CMC2: variants seen among roughly 807,000 people sequenced by gnomAD.
CMC2 encodes C-X9-C motif containing 2.
Under a neutral mutation model 7.5 loss-of-function variants are expected in CMC2, and 5 were observed. The ratio of observed to expected loss-of-function variants is 0.66; its 90% CI spans 0.35 to 1.40. The LOEUF (loss-of-function observed/expected upper bound fraction) is 1.40, where lower values mean the gene tolerates loss of function less well. Among genes scored for constraint, CMC2 ranks in the 40% most tolerant of loss-of-function variants. CMC2 has a pLI of 0.04. For synonymous variants in CMC2, 37 were observed against 31.4 expected (o/e 1.18, Z -0.60); for missense variants, 115 against 92.3 (o/e 1.25, Z -1.01).
intron 2 of CMC2, among the ~76,000 whole-genome samples, chr16:80,994,330 T>C (rs897214145): frequency 6.8e-5 from 10 of 147,366 alleles, no homozygotes; most frequent in Admixed American, 4.7e-4. Flanking sequence ...GACCACAGAA[T>C]ACACAAAGAT....
Position 80,973,420 on chromosome 16 carries a change from G to A in CMC2, c.*2673C>T, listed in dbSNP as rs944333338. 3 of 152,142 alleles carry A rather than the reference G, an allele frequency of 2.0e-5. No individual in the cohort carries two copies. Among genetic ancestry groups the A allele is most frequent in the Admixed American group, 6.5e-5 (1 of 15,276 alleles). The allele number at this position is 152,142 out of a possible 1,614,324, so 9.4% of individuals were successfully genotyped here. ...ACAATATTGAGGGGGCCCTTACTTT[G>A]TGCCAGATAATCTATCACATACATC... On this transcript the variant is annotated 3_prime_UTR_variant, in exon 4 of 4. Coordinates refer to ENST00000219400, the MANE Select transcript of CMC2 (RefSeq NM_020188.5).
chr16:80,993,070 C>A (rs1051420003), intron 2 of CMC2, among the ~76,000 whole-genome samples: 2 of 152,192 alleles, frequency 1.3e-5, no homozygotes, highest in African/African-American at 4.8e-5. Context: ...ATTTAGATGT[C>A]TGCCCCATTA....
intron 1 of CMC2, chr16:81,006,453 A>T (rs1212713300): frequency 1.3e-5 from 2 of 153,374 alleles, no homozygotes; most frequent in Non-Finnish European, 2.9e-5. Flanking sequence ...GAGCGCGCCC[A>T]AGGTCACCAG....
intron 1 of CMC2, among the ~76,000 whole-genome samples, chr16:81,005,137 T>C (rs1969165080): frequency 6.6e-6 from 1 of 152,220 alleles, no homozygotes; most frequent in South Asian, 2.1e-4. Flanking sequence ...TTCTAAAATA[T>C]ATCTTTTTAG....
At position 80,997,391 on chromosome 16, in the gene CMC2, G is replaced by A. The variant is rs757355621; in HGVS notation, c.4C>T (p.His2Tyr). The stretch of plus-strand genomic sequence containing the variant: ...TGCAAGTGTGGAGATAAGTCAGGAT[G>A]CATCTTTAGGAGATGAGGATGGATC... M[H>Y]PDLSPHLHTE... is the part of the protein sequence containing the mutation. Residue 2 changes from histidine to tyrosine, a missense_variant, in exon 2 of 4, where the codon CAT (histidine) becomes TAT (tyrosine). Physicochemically the swap from His to Tyr is moderately conservative, Grantham distance 83. Transcript: ENST00000219400. 3 of 1,588,592 alleles carry A rather than the reference G, an allele frequency of 1.9e-6. No individual in the cohort carries two copies. Among genetic ancestry groups the A allele is most frequent in the Non-Finnish European group, 2.6e-6 (3 of 1,162,512 alleles).
At chr16:80,981,079 C>CA (rs35505789) in intron 3 of CMC2, among the ~76,000 whole-genome samples, 12,182 of 117,854 alleles carry the variant, frequency 0.1, 595 homozygotes, top group East Asian at 0.18. Flanking sequence ...CAATATGAGG[C>CA]AAAAAAAAAA....
rs1057092540 is a variant in CMC2 at position 80,968,329 on chromosome 16, C to A, written c.*7764G>T. 6.6e-6 allele frequency: 1 copy of A among 152,238 alleles called. No individual in the cohort carries two copies. The highest frequency in any genetic ancestry group is 2.4e-5 in the African/African-American group (1 of 41,442). The allele number at this position is 152,238 out of a possible 1,614,324, so 9.4% of individuals were successfully genotyped here. A position where few individuals can be genotyped will look rare whatever the true frequency, so the allele number is the denominator to read the frequency against. On this transcript the variant is annotated 3_prime_UTR_variant, in exon 4 of 4. Coordinates refer to ENST00000219400, the MANE Select transcript of CMC2 (RefSeq NM_020188.5). ...CAAGCAATTCTCCCACCTCGGCCTT[C>A]GAAAGTACTGGGATTACAGGCGCAA... is the stretch of plus-strand genomic sequence containing the variant.
intron 3 of CMC2, among the ~76,000 whole-genome samples, chr16:80,981,429 T>C (rs1967101615): frequency 6.6e-6 from 1 of 152,200 alleles, no homozygotes. Context: ...AATTCTAGCC[T>C]CCTCAATTTA....
At chr16:80,995,509 T>C (rs935460715) in intron 2 of CMC2, among the ~76,000 whole-genome samples, 1 of 151,476 alleles carries the variant, frequency 6.6e-6, no homozygotes, top group Non-Finnish European at 1.5e-5. Flanking sequence ...TAAAAAAAAT[T>C]AGCCAGGCCT....
chr16:80,981,224 T>C (rs1294718472), intron 3 of CMC2, among the ~76,000 whole-genome samples: 5 of 151,530 alleles, frequency 3.3e-5, no homozygotes, highest in Non-Finnish European at 7.4e-5. Flanking sequence ...AGGTTTAAAA[T>C]GCACTCTGCT....
At chr16:81,000,255 T>C (rs1426704344) in intron 1 of CMC2, among the ~76,000 whole-genome samples, 1 of 151,856 alleles carries the variant, frequency 6.6e-6, no homozygotes, top group Non-Finnish European at 1.5e-5. Flanking sequence ...CCCAGCGCTT[T>C]GGGAGGCCAA....
chr16:81,003,764 G>C (rs1189495751), intron 1 of CMC2, among the ~76,000 whole-genome samples: 2 of 144,612 alleles, frequency 1.4e-5, no homozygotes, highest in Non-Finnish European at 3.1e-5. Flanking sequence ...TGTGGAAATA[G>C]TGAGTCTGTC....
intron 2 of CMC2, among the ~76,000 whole-genome samples, chr16:80,987,993 C>A (rs1489694487): frequency 1.3e-5 from 2 of 150,952 alleles, no homozygotes; most frequent in Non-Finnish European, 2.9e-5. Context: ...CTGGGCAACA[C>A]AGGAGAGCCT....
In CMC2 at chr16:80,997,101, A is replaced by G. The variant is rs954899479; in HGVS notation, c.81+213T>C. On this transcript the variant is annotated intron_variant, in intron 2 of 3. Coordinates refer to ENST00000219400, the MANE Select transcript of CMC2 (RefSeq NM_020188.5). The stretch of plus-strand genomic sequence containing the variant: ...CATACCAGTTCAGACGTTCCCTAAC[A>G]AACTACCATGTCTGATTTTTACTAA... 8 of 576,596 alleles carry G rather than the reference A, an allele frequency of 1.4e-5. No homozygotes were observed. The Middle Eastern group carries it at 1.1e-3, about 76-fold the overall frequency. 35.7% of individuals were successfully genotyped at this position (576,596 alleles called of 1,614,324 possible). A position where few individuals can be genotyped will look rare whatever the true frequency, so the allele number is the denominator to read the frequency against.
At chr16:81,001,146 G>C (rs1968833211) in intron 1 of CMC2, 1 of 152,120 alleles carries the variant, frequency 6.6e-6, no homozygotes, top group South Asian at 2.1e-4. Flanking sequence ...CTAAACACTG[G>C]ATACTCACAG....
At position 80,976,198 on chromosome 16, in the gene CMC2, G is replaced by A. The variant is rs374458830; in HGVS notation, c.154-19C>T. 19 of 1,409,138 alleles carry A rather than the reference G, an allele frequency of 1.3e-5. No individual in the cohort carries two copies. The highest frequency in any genetic ancestry group is 7.3e-5 in the African/African-American group (5 of 68,148). The allele number at this position is 1,409,138 out of a possible 1,614,324, so 87.3% of individuals were successfully genotyped here. A position where few individuals can be genotyped will look rare whatever the true frequency, so the allele number is the denominator to read the frequency against. ...CTACGTACTGAAAAATAAAAGAAGGGGGGGAGAAAAGAAACAGCAGATTAT... is the reference window on the plus strand; with the variant it reads ...CTACGTACTGAAAAATAAAAGAAGGAGGGGAGAAAAGAAACAGCAGATTAT... On this transcript the variant is annotated intron_variant, in intron 3 of 3. Transcript: ENST00000219400.
At chr16:80,993,129 T>C (rs1968139055) in intron 2 of CMC2, among the ~76,000 whole-genome samples, 1 of 152,246 alleles carries the variant, frequency 6.6e-6, no homozygotes, top group Non-Finnish European at 1.5e-5. Flanking sequence ...AGCTATGTAA[T>C]TGTCCCCATG....
At chr16:80,985,852 G>A (rs918772701) in intron 2 of CMC2, among the ~76,000 whole-genome samples, 7 of 114,006 alleles carry the variant, frequency 6.1e-5, no homozygotes, top group Non-Finnish European at 1.2e-4. Flanking sequence ...GCTCAGCAAA[G>A]GAAAAATCAA....
At chr16:80,978,852 C>G (rs970197209) in intron 3 of CMC2, among the ~76,000 whole-genome samples, 1 of 152,086 alleles carries the variant, frequency 6.6e-6, no homozygotes, top group South Asian at 2.1e-4. Flanking sequence ...GAGGCCAAGG[C>G]GGGCGGATAA....
Sources: gnomAD v4.1 joint callset for allele counts (sites outside exome capture counted in the v4.1 genomes callset) on GRCh38, gnomAD v4.1.1 for gene constraint, MANE v1.5 for transcripts, NCBI Gene and HGNC (gene_info 2026-07-23, HGNC 2026-07-21) for gene names.